The following LINGO2 variants were observed in gnomAD, a reference collection of about 807,000 sequenced individuals.
LINGO2 encodes leucine-rich repeat and immunoglobulin-like domain-containing nogo receptor-interacting protein 2.
In LINGO2, 14 loss-of-function variants were observed where a neutral mutation model predicts 30.6. That is an observed-to-expected ratio of 0.46 (90% CI 0.30 to 0.72). LINGO2 has a LOEUF of 0.72. Among genes scored for constraint, LINGO2 ranks in the 30% least tolerant of loss-of-function variants. The pLI, the probability that LINGO2 is intolerant of heterozygous loss-of-function variation, is 0.07. For missense variants in LINGO2, 729 were observed against 751.7 expected, an observed-to-expected ratio of 0.97 and a Z score of 0.35; for synonymous variants, 317 against 288.5, an observed-to-expected ratio of 1.10 and a Z score of -1.00.
intron 1 of LINGO2, among the ~76,000 whole-genome samples, chr9:28,614,061 T>C (rs1367079559): frequency 6.6e-6 from 1 of 152,194 alleles, no homozygotes; most frequent in Non-Finnish European, 1.5e-5. Flanking sequence ...TACTGATGCC[T>C]GGACTAGATC....
At chr9:28,415,305 G>T (rs929685778) in intron 2 of LINGO2, among the ~76,000 whole-genome samples, 1 of 152,112 alleles carries the variant, frequency 6.6e-6, no homozygotes, top group African/African-American at 2.4e-5. Flanking sequence ...TCCCTCTCCA[G>T]CCTGTCTACT....
intron 4 of LINGO2, among the ~76,000 whole-genome samples, chr9:28,035,077 A>C (rs1425354581): frequency 1.3e-5 from 2 of 152,188 alleles, no homozygotes; most frequent in Admixed American, 1.3e-4. Flanking sequence ...ATATTCAAAT[A>C]CTTTCTAAAA....
the LINGO2 span, among the ~76,000 whole-genome samples, chr9:28,752,840 C>T: frequency 1.3e-5 from 2 of 152,012 alleles, no homozygotes; most frequent in African/African-American, 4.8e-5. Context: ...TGCCTCCTGG[C>T]TCTCCCATTT....
intron 5 of LINGO2, among the ~76,000 whole-genome samples, chr9:27,984,137 C>A (rs1401342143): frequency 6.6e-6 from 1 of 151,778 alleles, no homozygotes; most frequent in Admixed American, 6.6e-5. Context: ...TTTGTGGTCC[C>A]TTTCATAATA....
At chr9:28,426,013 A>G (rs1173702154) in intron 2 of LINGO2, among the ~76,000 whole-genome samples, 1 of 152,040 alleles carries the variant, frequency 6.6e-6, no homozygotes, top group Admixed American at 6.6e-5. Context: ...TTTGCTTCAG[A>G]GAAGATAGAG....
the LINGO2 span, among the ~76,000 whole-genome samples, chr9:29,184,557 T>C: frequency 6.6e-6 from 1 of 152,250 alleles, no homozygotes; most frequent in African/African-American, 2.4e-5. Context: ...AGAAGGGGGA[T>C]ACATCTCCCA....
chr9:28,159,336 TAA>T (rs890783106), intron 4 of LINGO2, among the ~76,000 whole-genome samples: 8 of 152,190 alleles, frequency 5.3e-5, no homozygotes, highest in Non-Finnish European at 8.8e-5. Flanking sequence ...TCTCCTTAGC[TAA>T]AAAATGTAAC....
At chr9:28,882,666 C>T in the LINGO2 span, among the ~76,000 whole-genome samples, 2 of 152,118 alleles carry the variant, frequency 1.3e-5, no homozygotes, top group African/African-American at 4.8e-5. Flanking sequence ...ATTATCTCTA[C>T]AGTCTTGGTT....
chr9:29,140,825 C>T, the LINGO2 span, among the ~76,000 whole-genome samples: 1 of 151,860 alleles, frequency 6.6e-6, no homozygotes, highest in South Asian at 2.1e-4. Context: ...ATAATTTTAG[C>T]AGAATTATCA....
the LINGO2 span, among the ~76,000 whole-genome samples, chr9:28,864,971 T>C: frequency 6.6e-6 from 1 of 152,092 alleles, no homozygotes; most frequent in Non-Finnish European, 1.5e-5. Context: ...CATATAGGGC[T>C]AATGGAGACA....
the LINGO2 span, among the ~76,000 whole-genome samples, chr9:29,131,200 C>T: frequency 6.6e-6 from 1 of 151,980 alleles, no homozygotes; most frequent in Non-Finnish European, 1.5e-5. Context: ...AGGTATCCAC[C>T]CATGAAGTTT....
chr9:28,933,115 C>T, the LINGO2 span, among the ~76,000 whole-genome samples: 1 of 152,050 alleles, frequency 6.6e-6, no homozygotes, highest in Non-Finnish European at 1.5e-5. Context: ...CCATGTTGCC[C>T]AGACTGGTCT....
intron 5 of LINGO2, among the ~76,000 whole-genome samples, chr9:28,004,432 G>A (rs1173264642): frequency 2.0e-5 from 3 of 152,052 alleles, no homozygotes; most frequent in Admixed American, 6.6e-5. Context: ...TAATTGAATT[G>A]CATTGATCTT....
At chr9:29,212,378 C>T in the LINGO2 span, among the ~76,000 whole-genome samples, 2 of 151,890 alleles carry the variant, frequency 1.3e-5, no homozygotes, top group Non-Finnish European at 1.5e-5. Context: ...GCGAAGGGAA[C>T]AGCAGGCGAC....
chr9:28,263,635 T>C (rs552306402), intron 4 of LINGO2, among the ~76,000 whole-genome samples: 1 of 152,150 alleles, frequency 6.6e-6, no homozygotes, highest in South Asian at 2.1e-4. Context: ...CATTTTCTCA[T>C]GTGCCACCCC....
At chr9:29,138,294 CCTT>C in the LINGO2 span, among the ~76,000 whole-genome samples, 1 of 150,426 alleles carries the variant, frequency 6.6e-6, no homozygotes, top group Non-Finnish European at 1.5e-5. Context: ...TTAAAAGTTC[CCTT>C]CTTTTTCACT....
chr9:29,204,406 C>T, the LINGO2 span, among the ~76,000 whole-genome samples: 1 of 152,026 alleles, frequency 6.6e-6, no homozygotes, highest in Non-Finnish European at 1.5e-5. Context: ...AATTCTTTCT[C>T]ATTAGCCTGT....
the LINGO2 span, among the ~76,000 whole-genome samples, chr9:28,861,271 A>ATAT: frequency 4.1e-4 from 51 of 123,724 alleles, no homozygotes; most frequent in African/African-American, 1.4e-3. Context: ...TAAAATATAT[A>ATAT]ATATTTATAT....
At chr9:28,013,506 C>G (rs747315134) in intron 4 of LINGO2, among the ~76,000 whole-genome samples, 1 of 152,190 alleles carries the variant, frequency 6.6e-6, no homozygotes, top group African/African-American at 2.4e-5. Context: ...AAATATCCTG[C>G]AAACATTTGG....
Sources: gnomAD v4.1 joint callset for allele counts (sites outside exome capture counted in the v4.1 genomes callset) on GRCh38, gnomAD v4.1.1 for gene constraint, MANE v1.5 for transcripts, NCBI Gene and HGNC (gene_info 2026-07-23, HGNC 2026-07-21) for gene names.